Variants in SPC25 observed in about 807,000 individuals in gnomAD.
The protein encoded by SPC25 is SPC25 component of NDC80 kinetochore complex.
SPC25 carries 22 observed loss-of-function variants against 29.6 expected under a neutral mutation model. The observed-to-expected ratio is 0.74, with a 90% CI of 0.53 to 1.06. The LOEUF is 1.06. Ranked by LOEUF, SPC25 falls within the 50% of genes least tolerant of loss-of-function variation. SPC25 has a pLI of 0.00. For missense variants in SPC25, 230 were observed against 255.8 expected, an observed-to-expected ratio of 0.90 and a Z score of 0.69; for synonymous variants, 91 against 90.4, an observed-to-expected ratio of 1.01 and a Z score of -0.04.
chr2:168,871,757 A>G (rs1265142366), intron 6 of SPC25, among the ~76,000 whole-genome samples: 3 of 152,102 alleles, frequency 2.0e-5, no homozygotes, highest in East Asian at 3.9e-4. Context: ...TAAATATTCA[A>G]ATCTTAAGTA....
chr2:168,865,153 G>T lies in SPC25; in HGVS notation n.419+8432C>A, dbSNP rs184878852. ...GAAACAGTCAGAAAAAAGATGGATG[G>T]GTGGAGACAGACAAGGAAGAGGCTC... On this transcript the variant is annotated intron_variant and non_coding_transcript_variant, in intron 4 of 4. Coordinates refer to the SPC25 transcript ENST00000479309. The T allele has an allele frequency of 1.6e-4, 102 of 652,460 alleles. 1 individual carries two copies. In the African/African-American group the frequency reaches 1.6e-3, roughly 11 times the overall value. The allele number at this position is 652,460 out of a possible 1,614,324, so 40.4% of individuals were successfully genotyped here.
chr2:168,885,673 C>T (rs1019911939), intron 3 of SPC25, among the ~76,000 whole-genome samples: 5 of 152,310 alleles, frequency 3.3e-5, no homozygotes, highest in Admixed American at 1.3e-4. Context: ...TGTGCTGTTC[C>T]CTCTTCCCAG....
chr2:168,879,500 G>C (rs1441044934), intron 3 of SPC25, among the ~76,000 whole-genome samples: 1 of 152,168 alleles, frequency 6.6e-6, no homozygotes, highest in African/African-American at 2.4e-5. Context: ...CACATCTTCA[G>C]GCTCCACTTC....
At chr2:168,877,189 C>A (rs778949661) in intron 4 of SPC25, 49 bp downstream of exon 4, 1 of 1,593,296 alleles carries the variant, frequency 6.3e-7, no homozygotes, top group Non-Finnish European at 8.6e-7. Flanking sequence ...AAAGGTGAAC[C>A]GTCACCACTT....
downstream of SPC25, among the ~76,000 whole-genome samples, chr2:168,869,406 G>C (rs1394882764): frequency 6.6e-6 from 1 of 152,154 alleles, no homozygotes; most frequent in Non-Finnish European, 1.5e-5. Context: ...AGGAAAAGAG[G>C]AACTCAAATT....
chr2:168,884,311 A>T (rs546908845), intron 3 of SPC25, among the ~76,000 whole-genome samples: 1 of 152,334 alleles, frequency 6.6e-6, no homozygotes, highest in South Asian at 2.1e-4. Flanking sequence ...AACAGGGATA[A>T]TCTCTGTCTT....
At chr2:168,870,304 T>C (rs200778549), downstream of SPC25, among the ~76,000 whole-genome samples, 294 of 146,534 alleles carry the variant, frequency 2.0e-3, no homozygotes, top group African/African-American at 6.8e-3. Flanking sequence ...TGGGCAAGGA[T>C]TTCATGTCTA....
At chr2:168,887,065 T>C (rs1478520513) in intron 3 of SPC25, among the ~76,000 whole-genome samples, 5 of 152,152 alleles carry the variant, frequency 3.3e-5, no homozygotes, top group East Asian at 1.9e-4. Context: ...TTTTTGCTTA[T>C]GGTTACAGAG....
chr2:168,868,335 G>A (rs920920804), downstream of SPC25, among the ~76,000 whole-genome samples: 2 of 152,024 alleles, frequency 1.3e-5, no homozygotes, highest in Non-Finnish European at 2.9e-5. Context: ...GCTAGCAAAA[G>A]GCAAGAAATA....
chr2:168,889,010 T>TACATATATATATACACATATATATAC (rs1491204752), intron 3 of SPC25, among the ~76,000 whole-genome samples: 3 of 124,336 alleles, frequency 2.4e-5, no homozygotes, highest in Admixed American at 8.0e-5. Flanking sequence ...TACACATATA[T>TACATATATATATACACATATATATAC]GTATATATAT....
Position 168,873,643 on chromosome 2 carries a change from C to G in SPC25, c.492G>C (p.Lys164Asn). Residue 164 changes from lysine to asparagine, a missense_variant, in exon 6 of 7, where the codon AAG (lysine) becomes AAC (asparagine). By Grantham distance (94) the Lys-to-Asn change is moderately conservative (BLOSUM62 0). Coordinates refer to ENST00000282074, the MANE Select transcript of SPC25 (RefSeq NM_020675.4). The stretch of plus-strand genomic sequence containing the variant: ...AAAACATAAATGGGCTCTCAGGATT[C>G]TTAGGGTCAATATTAGTGAAAATAA... ...LQFIFTNIDP[K>N]NPESPFMFSL... 6.2e-7 allele frequency: 1 copy of G among 1,611,682 alleles called. No homozygotes were observed. Among genetic ancestry groups the G allele is most frequent in the Middle Eastern group, 1.7e-4 (1 of 6,042 alleles).
chr2:168,877,162 G>T (rs1309193105), intron 4 of SPC25, 76 bp downstream of exon 4: 2 of 1,515,202 alleles, frequency 1.3e-6, no homozygotes, highest in African/African-American at 1.4e-5. Context: ...AACTGGAACA[G>T]GCAAGATGTA....
intron 5 of SPC25, 77 bp from the exon 6 acceptor site, chr2:168,873,760 A>C: frequency 1.1e-6 from 1 of 896,500 alleles, no homozygotes; most frequent in Non-Finnish European, 1.9e-6. Context: ...TTTGATCAAT[A>C]TCTGCACTGC....
intron 3 of SPC25, among the ~76,000 whole-genome samples, chr2:168,883,294 A>G (rs2105832551): frequency 6.6e-6 from 1 of 152,348 alleles, no homozygotes; most frequent in Non-Finnish European, 1.5e-5. Flanking sequence ...AACAAAAGCT[A>G]GAAAGTTGTT....
intron 4 of SPC25, chr2:168,865,533 C>A (rs1209111438): frequency 6.5e-6 from 1 of 152,694 alleles, no homozygotes; most frequent in African/African-American, 2.4e-5. Flanking sequence ...TGGACAAAAA[C>A]TGGAAGCATT....
In SPC25 at chr2:168,876,071, C is replaced by T; in HGVS notation, c.451+1G>A. 18 of 1,501,826 alleles carry T rather than the reference C, an allele frequency of 1.2e-5. No individual in the cohort carries two copies. Among genetic ancestry groups the T allele is most frequent in the Non-Finnish European group, 1.6e-5 (18 of 1,125,360 alleles). The allele number at this position is 1,501,826 out of a possible 1,614,324, so 93.0% of individuals were successfully genotyped here. A position where few individuals can be genotyped will look rare whatever the true frequency, so the allele number is the denominator to read the frequency against. On this transcript the variant is annotated splice_donor_variant, in intron 5 of 6. Transcript: ENST00000282074. LOFTEE classifies it high-confidence loss of function. ...TATTTTATTTATATTAACAAACTTA[C>T]CATAAATTTTTCGAATTTCTAGTCC...
rs112076836 is a variant in SPC25, at chr2:168,880,606, G to A, written c.200-3222C>T. Among the ~76,000 whole-genome samples the A allele has an allele frequency of 6.6e-4, 100 of 152,272 alleles. 1 individual carries two copies. Among genetic ancestry groups the A allele is most frequent in the African/African-American group, 1.3e-3 (53 of 41,556 alleles). On this transcript the variant is annotated intron_variant, in intron 3 of 6. Coordinates refer to ENST00000282074, the MANE Select transcript of SPC25 (RefSeq NM_020675.4). ...TGAATTAGCACTTTTGCTAATTGGC[G>A]CAAGAGGCCAAGCTTTCAGCCTATC...
intron 4 of SPC25, among the ~76,000 whole-genome samples, chr2:168,862,289 C>A (rs1321349665): frequency 1.3e-5 from 2 of 152,178 alleles, no homozygotes. Flanking sequence ...ATTCATGAAA[C>A]CCTTGGAGGG....
intron 1 of SPC25, 27 bp from the exon 2 acceptor site, chr2:168,889,560 T>C (rs1402157049): frequency 6.3e-7 from 1 of 1,587,868 alleles, no homozygotes; most frequent in Non-Finnish European, 8.6e-7. Flanking sequence ...TATTGCATTT[T>C]TTAAGTTACT....
Sources: gnomAD v4.1 joint callset for allele counts (sites outside exome capture counted in the v4.1 genomes callset) on GRCh38, gnomAD v4.1.1 for gene constraint, MANE v1.5 for transcripts, NCBI Gene and HGNC (gene_info 2026-07-23, HGNC 2026-07-21) for gene names.